The following SEMA3A variants were observed in gnomAD, a reference collection of about 807,000 sequenced individuals.
The protein encoded by SEMA3A is semaphorin-3A.
SEMA3A carries 29 observed loss-of-function variants against 97.9 expected under a neutral mutation model. The observed-to-expected ratio is 0.30, with a 90% CI of 0.22 to 0.40. SEMA3A has a LOEUF of 0.40. SEMA3A is among the 10% of genes least tolerant of loss of function. SEMA3A has a pLI of 1.00. For synonymous variants in SEMA3A, 321 were observed against 323.7 expected, an observed-to-expected ratio of 0.99 and a Z score of 0.09; for missense variants, 763 against 951.3, an observed-to-expected ratio of 0.80 and a Z score of 2.60.
At chr7:84,050,622 T>G (rs1259190546) in intron 5 of SEMA3A, among the ~76,000 whole-genome samples, 1 of 152,046 alleles carries the variant, frequency 6.6e-6, no homozygotes, top group Admixed American at 6.6e-5. Context: ...CTTTGTCAGA[T>G]GAGTAGGTTG....
chr7:84,088,681 T>C (rs546642459), intron 4 of SEMA3A, among the ~76,000 whole-genome samples: 20 of 152,258 alleles, frequency 1.3e-4, no homozygotes, highest in Non-Finnish European at 8.8e-5. Flanking sequence ...ACAATAAAAT[T>C]TGACATATTC....
intron 1 of SEMA3A, among the ~76,000 whole-genome samples, chr7:84,450,017 A>C (rs751163912): frequency 1.3e-5 from 2 of 152,158 alleles, no homozygotes; most frequent in Non-Finnish European, 2.9e-5. Context: ...CATCTTGTCT[A>C]TTGTGAATAA....
At chr7:84,318,496 GTA>G (rs1166415983) in intron 2 of SEMA3A, among the ~76,000 whole-genome samples, 3 of 151,372 alleles carry the variant, frequency 2.0e-5, no homozygotes, top group Non-Finnish European at 4.4e-5. Flanking sequence ...CTAATTTTTT[GTA>G]TTTTTAGTAG....
chr7:84,069,531 C>T (rs1289772514), intron 4 of SEMA3A, among the ~76,000 whole-genome samples: 3 of 152,048 alleles, frequency 2.0e-5, no homozygotes, highest in Non-Finnish European at 4.4e-5. Context: ...TTTGAAATAT[C>T]TGTAAATATT....
chr7:84,121,798 C>G lies in SEMA3A; in HGVS notation c.333+7325G>C, dbSNP rs1187880955. On this transcript the variant is annotated intron_variant, in intron 3 of 16. Coordinates refer to ENST00000265362, the MANE Select transcript of SEMA3A (RefSeq NM_006080.3). ...GGACTACAGGCGCCCGCCACTACGC[C>G]CGGCTAATTTTTTTGTATTTTTAGT... Among the ~76,000 whole-genome samples, 6 of 44,462 alleles carry G rather than the reference C, an allele frequency of 1.3e-4. 2 individuals are homozygous for G. The highest frequency in any genetic ancestry group is 5.2e-4 in the African/African-American group (6 of 11,472). The allele number at this position is 44,462 out of a possible 152,430, so 29.2% of individuals were successfully genotyped here.
chr7:84,337,227 T>G (rs1214361972), intron 2 of SEMA3A, among the ~76,000 whole-genome samples: 1 of 152,182 alleles, frequency 6.6e-6, no homozygotes, highest in African/African-American at 2.4e-5. Flanking sequence ...TCATTGTTAT[T>G]TTTATGCCAT....
At chr7:84,491,680 T>C (rs572376017) in intron 1 of SEMA3A, among the ~76,000 whole-genome samples, 1 of 152,200 alleles carries the variant, frequency 6.6e-6, no homozygotes, top group African/African-American at 2.4e-5. Flanking sequence ...AGGAACAAGG[T>C]TGTACTTAGA....
chr7:84,428,071 T>C (rs1005451243), intron 1 of SEMA3A, among the ~76,000 whole-genome samples: 8 of 152,150 alleles, frequency 5.3e-5, no homozygotes, highest in African/African-American at 1.9e-4. Flanking sequence ...TCTATTACTT[T>C]AAAAACTCAA....
At position 84,296,263 on chromosome 7, in the gene SEMA3A, T is replaced by G. The variant is rs1488496485; in HGVS notation, c.-83+10944A>C. Among the ~76,000 whole-genome samples, 3 of 152,204 alleles carry G rather than the reference T, an allele frequency of 2.0e-5. No homozygotes were observed. The East Asian group carries it at 5.8e-4, about 29-fold the overall frequency. On this transcript the variant is annotated intron_variant, in intron 3 of 3. Transcript: ENST00000424555. ...GCGTTAGCTAGATTAGAGGATGAGA[T>G]TAAAATTAGGCATTTTGACAAACCA...
intron 3 of SEMA3A, among the ~76,000 whole-genome samples, chr7:84,279,965 A>AGTGGTG (rs1423259950): frequency 1.1e-3 from 163 of 152,268 alleles, no homozygotes; most frequent in Middle Eastern, 3.4e-3. Flanking sequence ...TGGTGTGACC[A>AGTGGTG]CATCTCACTG....
chr7:84,150,364 C>T (rs568006257), intron 1 of SEMA3A, among the ~76,000 whole-genome samples: 22 of 152,204 alleles, frequency 1.4e-4, no homozygotes, highest in African/African-American at 4.1e-4. Context: ...AGACAGTGGG[C>T]GCAGGTCAGT....
In SEMA3A at chr7:84,061,593, T is replaced by C. The variant is rs547901275; in HGVS notation, c.454-1035A>G. Among the ~76,000 whole-genome samples the C allele has an allele frequency of 2.6e-5, 4 of 152,316 alleles. No homozygotes were observed. In the East Asian group the frequency reaches 5.8e-4, roughly 22 times the overall value. On this transcript the variant is annotated intron_variant, in intron 4 of 16. Transcript: ENST00000265362. ...TTTGGCAATTTCTCTACTATTCACA[T>C]AAAAGTATTTTCTACCATCTTGGTA... is the stretch of plus-strand genomic sequence containing the variant.
In SEMA3A at chr7:84,134,814, T is replaced by G; in HGVS notation, c.250A>C (p.Asn84His). ...KDHIFSFDLVNIKDFQKIVWP... is the reference protein window; with the variant it reads ...KDHIFSFDLVHIKDFQKIVWP... ...GATACCTTTTGAAAATCCTTGATAT[T>G]AACCAGGTCGAATGAAAATATGTGA... Residue 84 changes from asparagine (N) to histidine (H), a missense_variant, in exon 2 of 17, where the codon AAT becomes CAT. Coordinates refer to ENST00000265362, the MANE Select transcript of SEMA3A (RefSeq NM_006080.3). 1.2e-6 allele frequency: 2 copies of G among 1,612,478 alleles called. No individual in the cohort carries two copies. The highest frequency in any genetic ancestry group is 1.7e-6 in the Non-Finnish European group (2 of 1,179,272).
At chr7:84,081,561 G>T (rs999812548) in intron 4 of SEMA3A, among the ~76,000 whole-genome samples, 2 of 144,550 alleles carry the variant, frequency 1.4e-5, no homozygotes, top group Non-Finnish European at 3.0e-5. Flanking sequence ...CCAGTGCACT[G>T]TAGCCTGGGC....
At chr7:83,980,262 CA>C (rs902824793) in intron 14 of SEMA3A, among the ~76,000 whole-genome samples, 2 of 151,234 alleles carry the variant, frequency 1.3e-5, no homozygotes, top group African/African-American at 2.4e-5. Context: ...CAAGCATGTC[CA>C]AAAAAATACT....
At chr7:84,041,500 C>T (rs956080485) in intron 6 of SEMA3A, among the ~76,000 whole-genome samples, 1 of 152,020 alleles carries the variant, frequency 6.6e-6, no homozygotes. Context: ...ATAGACATAA[C>T]TATTATTCTA....
intron 4 of SEMA3A, among the ~76,000 whole-genome samples, chr7:84,085,988 G>C (rs1292909649): frequency 6.6e-6 from 1 of 152,058 alleles, no homozygotes; most frequent in Non-Finnish European, 1.5e-5. Context: ...AAGAGTTTCG[G>C]CTTCCAAAGA....
intron 6 of SEMA3A, among the ~76,000 whole-genome samples, chr7:84,024,718 G>T (rs540484013): frequency 1.3e-5 from 2 of 152,290 alleles, no homozygotes; most frequent in South Asian, 4.1e-4. Flanking sequence ...CTTCAAAATT[G>T]CTAGCTGTTA....
chr7:84,470,882 G>C (rs187051360), intron 1 of SEMA3A, among the ~76,000 whole-genome samples: 1 of 151,860 alleles, frequency 6.6e-6, no homozygotes, highest in Admixed American at 6.6e-5. Flanking sequence ...TAAATAATTG[G>C]ATTTCACATG....
Sources: allele counts gnomAD v4.1 joint callset (sites outside exome capture counted in the v4.1 genomes callset), GRCh38; gene constraint gnomAD v4.1.1; transcripts MANE v1.5; gene names NCBI Gene and HGNC (gene_info 2026-07-23, HGNC 2026-07-21).